The following TMEM114 variants were observed in gnomAD, a reference collection of about 807,000 sequenced individuals.
The protein encoded by TMEM114 is claudin-26.
A neutral mutation model predicts 6.2 loss-of-function variants in TMEM114; 6 were observed. That is an observed-to-expected ratio of 0.97 (90% CI 0.53 to 1.91). The LOEUF is 1.91. TMEM114 is among the 40% of genes most tolerant of loss of function. The probability of loss-of-function intolerance (pLI) is 0.01; values close to 1 mark genes in which losing one functional copy is unlikely to be tolerated. For synonymous variants in TMEM114, 104 were observed against 73.0 expected (o/e 1.42, Z -2.16); for missense variants, 218 against 158.3 (o/e 1.38, Z -2.02).
chr16:8,542,055 C>T (rs1344524215), intron 2 of TMEM114, among the ~76,000 whole-genome samples: 4 of 152,154 alleles, frequency 2.6e-5, no homozygotes, highest in Non-Finnish European at 4.4e-5. Flanking sequence ...CAACATTAGG[C>T]AGAAATGCAG....
chr16:8,563,029 TGAG>T (rs1367349905), intron 2 of TMEM114, among the ~76,000 whole-genome samples: 3,739 of 138,516 alleles, frequency 0.027, 379 homozygotes, highest in Middle Eastern at 0.042. Flanking sequence ...AGTGAGGGAA[TGAG>T]TGAGTGAATG....
downstream of TMEM114, among the ~76,000 whole-genome samples, chr16:8,565,856 T>C (rs533890534): frequency 1.4e-4 from 22 of 152,282 alleles, no homozygotes; most frequent in East Asian, 3.5e-3. Context: ...TGCTAGCAAC[T>C]GGTTGTTTTT....
intron 2 of TMEM114, among the ~76,000 whole-genome samples, chr16:8,539,056 T>A (rs1900442723): frequency 6.6e-6 from 1 of 152,204 alleles, no homozygotes; most frequent in Admixed American, 6.5e-5. Flanking sequence ...ATTCTGATTA[T>A]TAAATAGCGT....
At chr16:8,554,259 G>A (rs926063734) in intron 2 of TMEM114, among the ~76,000 whole-genome samples, 4 of 151,374 alleles carry the variant, frequency 2.6e-5, no homozygotes, top group East Asian at 1.9e-4. Context: ...TGATTTCAGG[G>A]AAAAAAAGGG....
chr16:8,561,735 C>T (rs988779951), intron 2 of TMEM114, among the ~76,000 whole-genome samples: 2 of 150,780 alleles, frequency 1.3e-5, no homozygotes, highest in African/African-American at 4.9e-5. Context: ...GGGAGGAAGG[C>T]AATGAGTGGG....
At chr16:8,538,803 C>G (rs1415615984) in intron 2 of TMEM114, among the ~76,000 whole-genome samples, 1 of 152,036 alleles carries the variant, frequency 6.6e-6, no homozygotes, top group African/African-American at 2.4e-5. Flanking sequence ...ACCGCGCCCG[C>G]CCGGCCGTGC....
intron 2 of TMEM114, among the ~76,000 whole-genome samples, chr16:8,545,344 G>A (rs1239292474): frequency 3.3e-5 from 5 of 152,164 alleles, no homozygotes; most frequent in Admixed American, 3.3e-4. Context: ...GCTGAGGCAG[G>A]AGGATTGCTT....
At chr16:8,556,974 G>A (rs1189771991) in intron 2 of TMEM114, among the ~76,000 whole-genome samples, 7 of 152,284 alleles carry the variant, frequency 4.6e-5, no homozygotes, top group African/African-American at 1.4e-4. Context: ...TAAATAGTTG[G>A]ATTTTGCTGG....
At chr16:8,572,923 C>G (rs1030666356) in intron 2 of TMEM114, among the ~76,000 whole-genome samples, 5 of 152,222 alleles carry the variant, frequency 3.3e-5, no homozygotes, top group Non-Finnish European at 5.9e-5. Flanking sequence ...TGGTCCTTAG[C>G]ATGGCATTTT....
chr16:8,579,889 G>A (rs915842257), intron 2 of TMEM114, among the ~76,000 whole-genome samples: 8 of 152,184 alleles, frequency 5.3e-5, no homozygotes, highest in African/African-American at 1.4e-4. Flanking sequence ...ACATGGACAC[G>A]TACTCCAGCT....
downstream of TMEM114, among the ~76,000 whole-genome samples, chr16:8,565,602 C>G (rs1901515203): frequency 6.6e-6 from 1 of 152,164 alleles, no homozygotes; most frequent in Non-Finnish European, 1.5e-5. Context: ...CTGGATCTGA[C>G]CACACCTCCA....
Position 8,569,969 on chromosome 16 carries a change from G to A in TMEM114, c.476C>T (p.Ala159Val), listed in dbSNP as rs1010310796. Residue 159 changes from alanine to valine, a missense_variant, in exon 4 of 4, where the codon GCG becomes GTG. Ala to Val is a moderately conservative substitution (Grantham distance 64, BLOSUM62 0). Coordinates refer to ENST00000620492, the MANE Select transcript of TMEM114 (RefSeq NM_001146336.2). ...CTCCCGGAAGGCGGCGGCTGAATAC[G>A]CTATGTAGACGCTGATCCCAGCGAG... ...VTLAGISVYI[A>V]YSAAAFREAL... The A allele has an allele frequency of 8.4e-6, 13 of 1,550,824 alleles. No individual in the cohort carries two copies. In the Admixed American group the frequency reaches 9.8e-5, roughly 12 times the overall value.
At chr16:8,561,398 G>C (rs979985079) in intron 2 of TMEM114, among the ~76,000 whole-genome samples, 1 of 152,190 alleles carries the variant, frequency 6.6e-6, no homozygotes, top group African/African-American at 2.4e-5. Context: ...TTCTTACCAG[G>C]AAGCATACCC....
At chr16:8,576,445 C>T (rs917876671) in intron 2 of TMEM114, among the ~76,000 whole-genome samples, 2 of 152,206 alleles carry the variant, frequency 1.3e-5, no homozygotes, top group African/African-American at 4.8e-5. Flanking sequence ...CCAACTTGAA[C>T]TGCAGGGGTG....
At chr16:8,542,704 A>T (rs1386429597) in intron 2 of TMEM114, among the ~76,000 whole-genome samples, 1 of 152,106 alleles carries the variant, frequency 6.6e-6, no homozygotes, top group Non-Finnish European at 1.5e-5. Context: ...CACTACACTA[A>T]ATGAGCCTTG....
In TMEM114 at chr16:8,572,157, C is replaced by G; in HGVS notation, c.369G>C (p.Thr123=). 3 of 1,551,556 alleles carry G rather than the reference C, an allele frequency of 1.9e-6. No homozygotes were observed. Among genetic ancestry groups the G allele is most frequent in the Non-Finnish European group, 2.6e-6 (3 of 1,146,956 alleles). ...CTTGGAGGAGGAAGCTCAGAAACCC[C>G]GTCATCCCCCCAAAAACCATCAGGA... ...SLILMVFGGM[T]GFLSFLLQAY... is the part of the protein sequence containing the mutation. The change falls in exon 3 of 4, where the codon ACG becomes ACC. Residue 123 remains threonine, a synonymous_variant. Transcript: ENST00000620492.
At chr16:8,537,425 C>T (rs13337383), downstream of TMEM114, among the ~76,000 whole-genome samples, 19,646 of 152,040 alleles carry the variant, frequency 0.13, 1,616 homozygotes, top group African/African-American at 0.24. Flanking sequence ...GGCTTGAACC[C>T]GGGAGGCAGA....
At chr16:8,531,530 G>A in the TMEM114 span, among the ~76,000 whole-genome samples, 2,485 of 152,288 alleles carry the variant, frequency 0.016, 27 homozygotes, top group Non-Finnish European at 0.026. Flanking sequence ...TTCTGCCACA[G>A]CAAGATAGCA....
intron 2 of TMEM114, among the ~76,000 whole-genome samples, chr16:8,551,177 C>T (rs1900832498): frequency 1.3e-5 from 2 of 152,110 alleles, no homozygotes; most frequent in Non-Finnish European, 2.9e-5. Context: ...TTTACCAGAA[C>T]CAAGAACCAG....
Sources: gnomAD v4.1 joint callset for allele counts (sites outside exome capture counted in the v4.1 genomes callset) on GRCh38, gnomAD v4.1.1 for gene constraint, MANE v1.5 for transcripts, NCBI Gene and HGNC (gene_info 2026-07-23, HGNC 2026-07-21) for gene names.